The following MGAT4C variants were observed in gnomAD, a reference collection of about 807,000 sequenced individuals.
The protein encoded by MGAT4C is MGAT4 family member C, also known as alpha-1,3-mannosyl-glycoprotein 4-beta-N-acetylglucosaminyltransferase C.
Under a neutral mutation model 40.1 loss-of-function variants are expected in MGAT4C, and 19 were observed. That is an observed-to-expected ratio of 0.47 (90% CI 0.33 to 0.70). The LOEUF (loss-of-function observed/expected upper bound fraction) is 0.70. MGAT4C is among the 30% of genes least tolerant of loss of function. The probability of loss-of-function intolerance (pLI) is 0.02; values close to 1 mark genes in which losing one functional copy is unlikely to be tolerated. For missense variants in MGAT4C, 491 were observed against 563.2 expected, an observed-to-expected ratio of 0.87 and a Z score of 1.30; for synonymous variants, 181 against 187.1, an observed-to-expected ratio of 0.97 and a Z score of 0.27.
intron 3 of MGAT4C, among the ~76,000 whole-genome samples, chr12:86,358,937 G>C (rs1051643683): frequency 5.9e-5 from 9 of 152,090 alleles, no homozygotes; most frequent in Non-Finnish European, 2.9e-5. Context: ...AAGTTAACAA[G>C]GATATCCAGG....
In MGAT4C at chr12:86,829,917, A is replaced by G. The variant is rs182912643; in HGVS notation, c.-262+8749T>C. ...GGGAAATTACAAGGCATGTTTACAT[A>G]CATATCGATGTTTTTTTTACATTTA... On this transcript the variant is annotated intron_variant, in intron 1 of 7. Transcript: ENST00000548651. Among the ~76,000 whole-genome samples the G allele has an allele frequency of 3.5e-3, 528 of 150,654 alleles. 3 individuals are homozygous for G. Among genetic ancestry groups the G allele is most frequent in the Middle Eastern group, 0.017 (5 of 294 alleles).
At chr12:86,679,701 C>G (rs1289293750) in intron 2 of MGAT4C, among the ~76,000 whole-genome samples, 1 of 151,988 alleles carries the variant, frequency 6.6e-6, no homozygotes, top group East Asian at 1.9e-4. Flanking sequence ...CATGTGAGGA[C>G]ACAGCAAAAA....
intron 3 of MGAT4C, among the ~76,000 whole-genome samples, chr12:86,416,683 A>G (rs1489843703): frequency 1.3e-5 from 2 of 152,124 alleles, no homozygotes; most frequent in Non-Finnish European, 2.9e-5. Context: ...GGATGAGCAC[A>G]TAAGGAAGTG....
chr12:86,739,266 C>G (rs1951030357), intron 1 of MGAT4C, among the ~76,000 whole-genome samples: 1 of 149,772 alleles, frequency 6.7e-6, no homozygotes, highest in African/African-American at 2.4e-5. Flanking sequence ...TTTGTAGTAC[C>G]TGTCCTAAAG....
rs1426711483 is a variant in MGAT4C at position 85,974,878 on chromosome 12, G to A, written c.*4411C>T. Reference sequence around the variant, plus strand: ...GTGCCAAGGTAATTTATAGGTCAGTGCATTGATAACTTTTGCCAATGATAG... The same window carrying A: ...GTGCCAAGGTAATTTATAGGTCAGTACATTGATAACTTTTGCCAATGATAG... On this transcript the variant is annotated 3_prime_UTR_variant, in exon 5 of 5. Transcript: ENST00000611864. 3 of 150,300 alleles carry A rather than the reference G, an allele frequency of 2.0e-5. No homozygotes were observed. Among genetic ancestry groups the A allele is most frequent in the Admixed American group, 6.7e-5 (1 of 15,014 alleles). 9.3% of individuals were successfully genotyped at this position (150,300 alleles called of 1,614,324 possible).
intron 2 of MGAT4C, among the ~76,000 whole-genome samples, chr12:86,438,237 C>T (rs1957170485): frequency 6.6e-6 from 1 of 151,852 alleles, no homozygotes; most frequent in Non-Finnish European, 1.5e-5. Context: ...AATATCAAAC[C>T]AGCCACAATA....
chr12:86,007,530 A>G (rs1888017755), intron 2 of MGAT4C, among the ~76,000 whole-genome samples: 1 of 152,128 alleles, frequency 6.6e-6, no homozygotes, highest in African/African-American at 2.4e-5. Context: ...TGCCATTTAA[A>G]CAAGAATAAG....
rs183513212 is a variant in MGAT4C, at chr12:86,627,281, C to T, written c.-229+99928G>A. Among the ~76,000 whole-genome samples the T allele has an allele frequency of 4.7e-3, 711 of 152,332 alleles. 4 individuals carry two copies. The highest frequency in any genetic ancestry group is 7.3e-3 in the Non-Finnish European group (494 of 68,020). ...GCTCACCTGCCTCTGTAGACTCCAC[C>T]TCTGGGGGCAGGGCATAGCTGAACA... is the stretch of plus-strand genomic sequence containing the variant. On this transcript the variant is annotated intron_variant, in intron 2 of 7. Transcript: ENST00000548651.
intron 1 of MGAT4C, among the ~76,000 whole-genome samples, chr12:86,055,568 T>C (rs1275977796): frequency 6.6e-6 from 1 of 152,098 alleles, no homozygotes; most frequent in East Asian, 1.9e-4. Context: ...ATAAGAATTA[T>C]CTAATCCCTG....
intron 3 of MGAT4C, among the ~76,000 whole-genome samples, chr12:86,376,514 C>A (rs983026922): frequency 6.6e-6 from 1 of 151,846 alleles, no homozygotes; most frequent in African/African-American, 2.4e-5. Context: ...GTGCCTAGAA[C>A]AATATATTAG....
intron 2 of MGAT4C, among the ~76,000 whole-genome samples, chr12:86,041,037 G>A (rs1426975984): frequency 1.3e-5 from 2 of 152,102 alleles, no homozygotes; most frequent in Non-Finnish European, 1.5e-5. Flanking sequence ...TCAATGAGAT[G>A]AATCGGGTAC....
At chr12:86,532,153 G>A (rs1282345834) in intron 2 of MGAT4C, among the ~76,000 whole-genome samples, 1 of 151,894 alleles carries the variant, frequency 6.6e-6, no homozygotes, top group Non-Finnish European at 1.5e-5. Flanking sequence ...CGTTAAGTGG[G>A]ACAATAAGCT....
At chr12:86,313,602 A>T (rs1249570391) in intron 4 of MGAT4C, among the ~76,000 whole-genome samples, 3 of 152,212 alleles carry the variant, frequency 2.0e-5, no homozygotes, top group Non-Finnish European at 2.9e-5. Context: ...CAGGAGAAAA[A>T]TTTTAATTAC....
intron 2 of MGAT4C, among the ~76,000 whole-genome samples, chr12:86,636,383 G>T (rs1023696520): frequency 6.6e-6 from 1 of 151,866 alleles, no homozygotes; most frequent in African/African-American, 2.4e-5. Flanking sequence ...TGTGTCAATA[G>T]TACTCTAGGA....
intron 2 of MGAT4C, among the ~76,000 whole-genome samples, chr12:86,670,414 A>G (rs539466503): frequency 1.6e-4 from 25 of 152,036 alleles, no homozygotes; most frequent in Non-Finnish European, 3.2e-4. Flanking sequence ...AAACAAAAAA[A>G]CTCATTTAAG....
At chr12:86,821,682 T>C (rs901859064) in intron 1 of MGAT4C, among the ~76,000 whole-genome samples, 3 of 151,040 alleles carry the variant, frequency 2.0e-5, no homozygotes, top group South Asian at 2.1e-4. Context: ...GGTTTCATTA[T>C]AGGTTAGAAC....
intron 1 of MGAT4C, among the ~76,000 whole-genome samples, chr12:86,114,833 A>C (rs558907083): frequency 4.0e-4 from 61 of 152,000 alleles, no homozygotes; most frequent in African/African-American, 1.4e-3. Context: ...GGTTTTAAAG[A>C]TGTTAAAATC....
intron 2 of MGAT4C, among the ~76,000 whole-genome samples, chr12:86,440,604 C>T (rs1334563489): frequency 6.6e-6 from 1 of 152,028 alleles, no homozygotes; most frequent in South Asian, 2.1e-4. Context: ...TTCTATTCAA[C>T]ATAGCACTGA....
intron 2 of MGAT4C, among the ~76,000 whole-genome samples, chr12:86,586,525 C>T (rs1212842151): frequency 9.8e-6 from 1 of 102,526 alleles, no homozygotes; most frequent in African/African-American, 3.2e-5. Context: ...GGAATCGCCA[C>T]ACTGACTTCC....
Sources: gnomAD v4.1 joint callset for allele counts (sites outside exome capture counted in the v4.1 genomes callset) on GRCh38, gnomAD v4.1.1 for gene constraint, MANE v1.5 for transcripts, NCBI Gene and HGNC (gene_info 2026-07-23, HGNC 2026-07-21) for gene names.